The following FRMPD4 variants were observed in gnomAD, a reference collection of about 807,000 sequenced individuals.
FRMPD4 encodes the protein FERM and PDZ domain containing 4, also known as FERM and PDZ domain-containing protein 4.
Under a neutral mutation model 94.1 loss-of-function variants are expected in FRMPD4, and 22 were observed. The ratio of observed to expected loss-of-function variants is 0.23; its 90% CI spans 0.17 to 0.33. The LOEUF is 0.33. Among genes scored for constraint, FRMPD4 ranks in the 10% least tolerant of loss-of-function variants. The pLI is 1.00. For missense variants in FRMPD4, 1,111 were observed against 1,339.9 expected (o/e 0.83, Z 2.67); for synonymous variants, 631 against 548.6 (o/e 1.15, Z -2.10).
chrX:12,627,191 G>A (rs761602834), intron 4 of FRMPD4, among the ~76,000 whole-genome samples: 140 of 111,937 alleles, frequency 1.3e-3, no homozygotes, highest in Non-Finnish European at 1.8e-3. Flanking sequence ...CAGGAGAATC[G>A]CTTGAACCTG....
chrX:12,685,027 G>GAC (rs745751269), intron 6 of FRMPD4, among the ~76,000 whole-genome samples: 19 of 112,037 alleles, frequency 1.7e-4, no homozygotes, highest in Non-Finnish European at 3.0e-4. Context: ...ATTTCTTCTG[G>GAC]ACTGGGATCC....
intron 2 of FRMPD4, among the ~76,000 whole-genome samples, chrX:11,873,220 T>C (rs1238478136): frequency 9.0e-6 from 1 of 111,309 alleles, no homozygotes; most frequent in Non-Finnish European, 1.9e-5. Context: ...CTATTCAGTA[T>C]TTTATTGGAG....
chrX:12,142,958 A>T (rs1315879073), intron 1 of FRMPD4, among the ~76,000 whole-genome samples: 1 of 111,943 alleles, frequency 8.9e-6, no homozygotes, highest in African/African-American at 3.3e-5. Context: ...CTTTACATAC[A>T]CATACACTGT....
chrX:12,625,321 A>G (rs1436091146), intron 4 of FRMPD4, among the ~76,000 whole-genome samples: 1 of 111,888 alleles, frequency 8.9e-6, no homozygotes, highest in Non-Finnish European at 1.9e-5. Flanking sequence ...CAATCTATCA[A>G]AGAGATATCT....
chrX:12,419,773 A>C (rs1387296728), intron 1 of FRMPD4, among the ~76,000 whole-genome samples: 2 of 111,529 alleles, frequency 1.8e-5, no homozygotes, highest in Admixed American at 9.5e-5. Context: ...TCTTCTGGAA[A>C]TGCTTTTCCT....
intron 1 of FRMPD4, among the ~76,000 whole-genome samples, chrX:12,446,334 G>T (rs2057194977): frequency 8.9e-6 from 1 of 112,285 alleles, no homozygotes; most frequent in Non-Finnish European, 1.9e-5. Context: ...CCACTGCAGA[G>T]ATTTTGCATT....
chrX:12,320,222 T>C (rs2055187325), intron 1 of FRMPD4, among the ~76,000 whole-genome samples: 1 of 111,964 alleles, frequency 8.9e-6, no homozygotes, highest in African/African-American at 3.2e-5. Flanking sequence ...CTCAGCCATT[T>C]AAAATGATTG....
At chrX:12,162,676 G>A (rs2056044761) in intron 1 of FRMPD4, among the ~76,000 whole-genome samples, 1 of 111,549 alleles carries the variant, frequency 9.0e-6, no homozygotes, top group Admixed American at 9.5e-5. Context: ...TCAGATTTAC[G>A]CAGCATCTGG....
intron 4 of FRMPD4, among the ~76,000 whole-genome samples, chrX:12,663,086 T>C (rs2059735407): frequency 8.9e-6 from 1 of 112,606 alleles, no homozygotes; most frequent in African/African-American, 3.2e-5. Flanking sequence ...AAGTTCCTTA[T>C]AGATTCTGGA....
At chrX:12,385,038 CT>C (rs993491014) in intron 1 of FRMPD4, among the ~76,000 whole-genome samples, 2 of 111,877 alleles carry the variant, frequency 1.8e-5, no homozygotes, top group African/African-American at 3.2e-5. Flanking sequence ...TGGCTGATGT[CT>C]TTTTTTTCCC....
chrX:12,335,111 G>A (rs913174569), intron 1 of FRMPD4, among the ~76,000 whole-genome samples: 18 of 110,100 alleles, frequency 1.6e-4, no homozygotes, highest in Non-Finnish European at 2.8e-4. Context: ...ATTAGGATAT[G>A]CATCCTTCTT....
rs199832365 is a variant in FRMPD4 at position 11,930,158 on chromosome X, A to G, written c.95+52140A>G. On this transcript the variant is annotated intron_variant, in intron 3 of 18. Coordinates refer to the FRMPD4 transcript ENST00000640291. ...AAGGCACCGTCATGGGAACACTATC[A>G]TATAGACATGTGAAAAAGCACAATG... 1.6e-4 allele frequency among the ~76,000 whole-genome samples: 16 copies of G among 102,901 alleles called. No homozygotes were observed. In the East Asian group the frequency reaches 5.5e-3, roughly 35 times the overall value. The allele number at this position is 102,901 out of a possible 115,157, so 89.4% of individuals were successfully genotyped here.
chrX:11,914,548 T>A (rs1293844023), intron 3 of FRMPD4, among the ~76,000 whole-genome samples: 1 of 111,814 alleles, frequency 8.9e-6, no homozygotes, highest in Admixed American at 9.5e-5. Context: ...ACTTTGCAAC[T>A]CCTGAACCAA....
intron 1 of FRMPD4, among the ~76,000 whole-genome samples, chrX:11,863,042 C>A: frequency 1.1e-5 from 1 of 95,070 alleles, no homozygotes; most frequent in African/African-American, 4.0e-5. Context: ...ATGTGCACAA[C>A]GTGCAGGTTT....
intron 3 of FRMPD4, among the ~76,000 whole-genome samples, chrX:12,066,871 G>GTTTT (rs201251837): frequency 2.0e-5 from 2 of 100,065 alleles, no homozygotes; most frequent in African/African-American, 3.6e-5. Context: ...TTTTGTTTTT[G>GTTTT]TTTTTGTTTT....
intron 1 of FRMPD4, among the ~76,000 whole-genome samples, chrX:12,252,247 C>T (rs1043406281): frequency 4.5e-5 from 5 of 111,241 alleles, no homozygotes; most frequent in African/African-American, 1.6e-4. Flanking sequence ...CAGGGTACTG[C>T]ATTATCTAGG....
At chrX:12,545,989 G>C (rs751053616) in intron 2 of FRMPD4, among the ~76,000 whole-genome samples, 2 of 112,249 alleles carry the variant, frequency 1.8e-5, no homozygotes, top group Non-Finnish European at 3.8e-5. Flanking sequence ...GCTGGTAACA[G>C]CTGGAAAGGA....
intron 1 of FRMPD4, among the ~76,000 whole-genome samples, chrX:12,217,848 A>G (rs146528245): frequency 8.7e-4 from 98 of 112,443 alleles, no homozygotes; most frequent in African/African-American, 3.1e-3. Context: ...CTGGAGTTTT[A>G]CAGAAAAGTT....
chrX:12,089,056 A>G (rs1398756571), intron 3 of FRMPD4, among the ~76,000 whole-genome samples: 4 of 112,316 alleles, frequency 3.6e-5, no homozygotes, highest in African/African-American at 9.7e-5. Flanking sequence ...TATAAATGCT[A>G]TGTGCCCTTT....
Sources: allele counts gnomAD v4.1 joint callset (sites outside exome capture counted in the v4.1 genomes callset), GRCh38; gene constraint gnomAD v4.1.1; transcripts MANE v1.5; gene names NCBI Gene and HGNC (gene_info 2026-07-23, HGNC 2026-07-21).